Variants in ZNRF2 observed in about 807,000 individuals in gnomAD.
ZNRF2 encodes zinc and ring finger 2, also known as E3 ubiquitin-protein ligase ZNRF2.
Under a neutral mutation model 20.4 loss-of-function variants are expected in ZNRF2, and 16 were observed. The ratio of observed to expected loss-of-function variants is 0.79; its 90% confidence interval spans 0.53 to 1.19. The LOEUF is 1.19. Ranked by LOEUF, ZNRF2 falls within the 50% of genes most tolerant of loss-of-function variation. The probability of loss-of-function intolerance (pLI) is 0.00; values close to 1 mark genes in which losing one functional copy is unlikely to be tolerated. For synonymous variants in ZNRF2, 178 were observed against 144.9 expected (o/e 1.23, Z -1.64); for missense variants, 363 against 332.4 (o/e 1.09, Z -0.72).
rs368555694 is a variant in ZNRF2, at chr7:30,365,774, T to C, written c.*23-261T>C. ...TTGATTAGTTAGAAAATTGCTGTAC[T>C]TATTTTGGGGTTTTTAGTTATTTGG... On this transcript the variant is annotated intron_variant, in intron 4 of 4. Transcript: ENST00000323037. Among the ~76,000 whole-genome samples, 3 of 152,200 alleles carry C rather than the reference T, an allele frequency of 2.0e-5. 1 individual carries two copies. The East Asian group carries it at 5.8e-4, about 29-fold the overall frequency.
intron 1 of ZNRF2, among the ~76,000 whole-genome samples, chr7:30,287,579 T>G (rs1250477557): frequency 1.3e-5 from 2 of 152,218 alleles, no homozygotes; most frequent in African/African-American, 2.4e-5. Context: ...CTATTCCTAG[T>G]AAGTAAAAAT....
At chr7:30,349,638 A>T (rs529761860) in intron 2 of ZNRF2, among the ~76,000 whole-genome samples, 1 of 152,150 alleles carries the variant, frequency 6.6e-6, no homozygotes, top group South Asian at 2.1e-4. Flanking sequence ...TTTTATTGCC[A>T]CTATGAGCCT....
chr7:30,285,424 C>T lies in ZNRF2; in HGVS notation c.67C>T (p.Leu23=), dbSNP rs756360706. 3.4e-5 allele frequency: 42 copies of T among 1,234,624 alleles called. 1 individual carries two copies. In the South Asian group the frequency reaches 6.7e-4, roughly 20 times the overall value. 76.5% of individuals were successfully genotyped at this position (1,234,624 alleles called of 1,614,324 possible). Residue 23 remains leucine, a synonymous_variant, in exon 1 of 5, where the codon CTA becomes TTA. Transcript: ENST00000323037. ...GRTRAYSGSD[L]PSSSSGGANG... ...CACGCGCGCGTACTCGGGCTCGGAT[C>T]TACCTTCCAGTAGCAGCGGAGGCGC...
chr7:30,301,386 G>A (rs1309310882), intron 1 of ZNRF2, among the ~76,000 whole-genome samples: 2 of 152,132 alleles, frequency 1.3e-5, no homozygotes, highest in African/African-American at 4.8e-5. Context: ...GGGAGGCTGA[G>A]GCAGGAGAAT....
At chr7:30,353,485 T>G (rs991249766) in intron 2 of ZNRF2, among the ~76,000 whole-genome samples, 1 of 152,144 alleles carries the variant, frequency 6.6e-6, no homozygotes, top group East Asian at 1.9e-4. Context: ...CTAAAAAGAT[T>G]GTTTAAACTT....
chr7:30,317,668 G>A (rs890021223), intron 1 of ZNRF2, among the ~76,000 whole-genome samples: 40 of 152,096 alleles, frequency 2.6e-4, no homozygotes, highest in Admixed American at 2.6e-3. Context: ...TGCAAAAGAG[G>A]GCCAACAGCC....
At chr7:30,307,501 A>G (rs1284560920) in intron 1 of ZNRF2, among the ~76,000 whole-genome samples, 2 of 151,578 alleles carry the variant, frequency 1.3e-5, no homozygotes, top group Admixed American at 6.6e-5. Context: ...TAAAAGCATA[A>G]TAACTAGTAT....
chr7:30,363,602 A>T (rs1800162365), intron 4 of ZNRF2, among the ~76,000 whole-genome samples: 1 of 152,210 alleles, frequency 6.6e-6, no homozygotes, highest in Non-Finnish European at 1.5e-5. Flanking sequence ...CATGTAATAC[A>T]GTGCCTGTCT....
intron 2 of ZNRF2, among the ~76,000 whole-genome samples, chr7:30,348,702 A>T (rs1221407592): frequency 6.6e-6 from 1 of 152,166 alleles, no homozygotes; most frequent in African/African-American, 2.4e-5. Context: ...GTTTGCTTCC[A>T]TTCTCTAAAA....
chr7:30,364,590 A>G (rs1800180637), intron 4 of ZNRF2, among the ~76,000 whole-genome samples: 1 of 152,202 alleles, frequency 6.6e-6, no homozygotes. Context: ...TTATTTCACC[A>G]TAGAAAAGGT....
intron 4 of ZNRF2, among the ~76,000 whole-genome samples, chr7:30,362,825 G>T (rs189463557): frequency 1.3e-5 from 2 of 152,132 alleles, no homozygotes; most frequent in Admixed American, 1.3e-4. Flanking sequence ...TGAGGTACAA[G>T]AATCACTTGA....
chr7:30,294,232 T>C (rs576028391), intron 1 of ZNRF2, among the ~76,000 whole-genome samples: 2 of 152,312 alleles, frequency 1.3e-5, no homozygotes, highest in East Asian at 3.9e-4. Flanking sequence ...TTTTATTTAT[T>C]ATTTTTTAAT....
Position 30,285,661 on chromosome 7 carries a change from A to G in ZNRF2, c.304A>G (p.Ser102Gly). The change falls in exon 1 of 5, where the codon AGC becomes GGC. Residue 102 changes from serine (S) to glycine (G), a missense_variant. By Grantham distance (56) the Ser-to-Gly change is moderately conservative. Transcript: ENST00000323037. ...SGARAAQSPF[S>G]IPNSSSGPYG... The stretch of plus-strand genomic sequence containing the variant: ...GGCCCGCGCGGCGCAGTCCCCCTTC[A>G]GCATCCCGAACAGCAGCAGCGGCCC... 1 of 1,406,026 alleles carries G rather than the reference A, an allele frequency of 7.1e-7. No individual in the cohort carries two copies. The highest frequency in any genetic ancestry group is 9.2e-7 in the Non-Finnish European group (1 of 1,084,638). The allele number at this position is 1,406,026 out of a possible 1,614,324, so 87.1% of individuals were successfully genotyped here. A position where few individuals can be genotyped will look rare whatever the true frequency, so the allele number is the denominator to read the frequency against.
At chr7:30,307,326 G>GTTTTTT (rs78007797) in intron 1 of ZNRF2, among the ~76,000 whole-genome samples, 12 of 43,238 alleles carry the variant, frequency 2.8e-4, no homozygotes, top group Admixed American at 6.9e-4. Flanking sequence ...GTTTTTTTTT[G>GTTTTTT]TTTTTTTTTT....
intron 2 of ZNRF2, among the ~76,000 whole-genome samples, chr7:30,330,775 A>AAAG (rs991158725): frequency 6.6e-6 from 1 of 152,096 alleles, no homozygotes; most frequent in African/African-American, 2.4e-5. Context: ...AAGTTAAAAA[A>AAAG]AAAAAGAAAA....
At chr7:30,294,345 T>A (rs1161430781) in intron 1 of ZNRF2, among the ~76,000 whole-genome samples, 1 of 152,240 alleles carries the variant, frequency 6.6e-6, no homozygotes, top group East Asian at 1.9e-4. Context: ...ACATTTTTGT[T>A]TCTTTTAAAA....
At chr7:30,319,241 A>G (rs1436725184) in intron 1 of ZNRF2, among the ~76,000 whole-genome samples, 1 of 152,210 alleles carries the variant, frequency 6.6e-6, no homozygotes, top group East Asian at 1.9e-4. Flanking sequence ...CTGGGCAAGA[A>G]CTGTACTGTT....
intron 2 of ZNRF2, among the ~76,000 whole-genome samples, chr7:30,341,248 TGA>T (rs1389979484): frequency 3.3e-5 from 5 of 152,164 alleles, no homozygotes; most frequent in African/African-American, 1.2e-4. Flanking sequence ...AGTTCTGCTC[TGA>T]GTTTATTTAT....
intron 1 of ZNRF2, among the ~76,000 whole-genome samples, chr7:30,297,539 G>A (rs1184226261): frequency 1.3e-5 from 2 of 152,126 alleles, no homozygotes; most frequent in Admixed American, 1.3e-4. Flanking sequence ...CTAGGTTGAA[G>A]TTATTTTCCC....
Sources: gnomAD v4.1 joint callset for allele counts (sites outside exome capture counted in the v4.1 genomes callset) on GRCh38, gnomAD v4.1.1 for gene constraint, MANE v1.5 for transcripts, NCBI Gene and HGNC (gene_info 2026-07-23, HGNC 2026-07-21) for gene names.